The following TATDN1 variants were observed in gnomAD, a reference collection of about 807,000 sequenced individuals.
The protein encoded by TATDN1 is deoxyribonuclease TATDN1.
A neutral mutation model predicts 46.4 loss-of-function variants in TATDN1; 40 were observed. The observed-to-expected ratio is 0.86, with a 90% CI of 0.67 to 1.12. TATDN1 has a LOEUF of 1.12. TATDN1 is among the 50% of genes most tolerant of loss of function. The probability of loss-of-function intolerance (pLI) is 0.00; values close to 1 mark genes in which losing one functional copy is unlikely to be tolerated. For missense variants in TATDN1, 326 were observed against 348.4 expected (o/e 0.94, Z 0.51); for synonymous variants, 95 against 105.6 (o/e 0.90, Z 0.62).
At chr8:124,532,860 TC>T (rs1333189804) in intron 1 of TATDN1, among the ~76,000 whole-genome samples, 1 of 152,132 alleles carries the variant, frequency 6.6e-6, no homozygotes, top group Non-Finnish European at 1.5e-5. Context: ...TGAGAAAGGA[TC>T]CATTAGTGGG....
intron 6 of TATDN1, among the ~76,000 whole-genome samples, chr8:124,512,308 C>G (rs1819094811): frequency 6.6e-6 from 1 of 152,036 alleles, no homozygotes; most frequent in Non-Finnish European, 1.5e-5. Flanking sequence ...ACCTGTAATC[C>G]CAGCTACTTG....
chr8:124,534,542 T>G (rs940407496), intron 1 of TATDN1, among the ~76,000 whole-genome samples: 1 of 152,154 alleles, frequency 6.6e-6, no homozygotes, highest in Non-Finnish European at 1.5e-5. Context: ...GGTCTTGAAC[T>G]CCCGGGCTCA....
At chr8:124,532,124 A>C (rs1821019513) in intron 1 of TATDN1, among the ~76,000 whole-genome samples, 1 of 151,742 alleles carries the variant, frequency 6.6e-6, no homozygotes, top group South Asian at 2.1e-4. Context: ...GTTGAGTACA[A>C]CTCGGGAAGG....
chr8:124,514,539 T>A (rs905644554), intron 6 of TATDN1, among the ~76,000 whole-genome samples: 1 of 152,212 alleles, frequency 6.6e-6, no homozygotes, highest in Admixed American at 6.5e-5. Flanking sequence ...CTGCATACTA[T>A]GAGCTCTCAG....
chr8:124,521,041 C>T (rs1392613859), intron 3 of TATDN1, among the ~76,000 whole-genome samples: 1 of 151,530 alleles, frequency 6.6e-6, no homozygotes, highest in African/African-American at 2.4e-5. Flanking sequence ...AGGTATAATA[C>T]CAAATGCTTT....
intron 1 of TATDN1, chr8:124,526,622 C>T (rs1820523305): frequency 6.6e-6 from 1 of 152,162 alleles, no homozygotes; most frequent in Admixed American, 6.5e-5. Context: ...GTTTCTTTTT[C>T]ATTAATTTTC....
At chr8:124,500,673 C>A (rs759092718) in intron 9 of TATDN1, among the ~76,000 whole-genome samples, 79 of 150,516 alleles carry the variant, frequency 5.2e-4, no homozygotes, top group Non-Finnish European at 1.0e-3. Flanking sequence ...CAGAGTGAGA[C>A]CCTGTCTCAA....
At chr8:124,495,695 C>T (rs932743239) in intron 9 of TATDN1, among the ~76,000 whole-genome samples, 153 bp from the exon 10 acceptor site, 2 of 152,210 alleles carry the variant, frequency 1.3e-5, no homozygotes, top group African/African-American at 4.8e-5. Context: ...CACCTCCATA[C>T]TTCAACAATC....
intron 4 of TATDN1, among the ~76,000 whole-genome samples, chr8:124,518,397 G>A (rs1284311513): frequency 5.5e-5 from 8 of 145,200 alleles, no homozygotes; most frequent in Non-Finnish European, 7.6e-5. Flanking sequence ...GGTGGCGGGC[G>A]CCTGTAGTCC....
At chr8:124,520,297 C>T (rs551636443) in intron 3 of TATDN1, among the ~76,000 whole-genome samples, 5 of 151,782 alleles carry the variant, frequency 3.3e-5, no homozygotes, top group African/African-American at 9.7e-5. Flanking sequence ...ATTAGCCAGG[C>T]GTGGTGGCAG....
At chr8:124,527,723 G>T (rs75831593) in intron 1 of TATDN1, among the ~76,000 whole-genome samples, 1 of 151,660 alleles carries the variant, frequency 6.6e-6, no homozygotes, top group South Asian at 2.1e-4. Context: ...TTTTAGCCAC[G>T]ATCTGCTGCA....
At chr8:124,488,749 C>A in intron 11 of TATDN1, 53 bp from the exon 12 acceptor site, 1 of 1,030,442 alleles carries the variant, frequency 9.7e-7, no homozygotes, top group South Asian at 1.3e-5. Context: ...ACATTTAGTT[C>A]TAAAGCTATA....
chr8:124,522,261 T>TA lies in TATDN1; in HGVS notation c.89-62dup, dbSNP rs1406234770. On this transcript the variant is annotated intron_variant, in intron 2 of 11. Transcript: ENST00000276692. ...CAGACAAAAATTTGACTTTTTTTTTTAGCTTCTGTGCAAATGGCTATTTGA... is the reference window on the plus strand; with the variant it reads ...CAGACAAAAATTTGACTTTTTTTTTTAAGCTTCTGTGCAAATGGCTATTTGA... The TA allele has an allele frequency of 3.8e-6, 4 of 1,044,506 alleles. No homozygotes were observed. In the Admixed American group the frequency reaches 8.4e-5, roughly 22 times the overall value. The allele number at this position is 1,044,506 out of a possible 1,614,324, so 64.7% of individuals were successfully genotyped here. A position where few individuals can be genotyped will look rare whatever the true frequency, so the allele number is the denominator to read the frequency against.
intron 6 of TATDN1, among the ~76,000 whole-genome samples, chr8:124,515,172 G>A (rs903819339): frequency 2.6e-5 from 4 of 152,166 alleles, no homozygotes; most frequent in African/African-American, 7.2e-5. Context: ...TTTGAGGTCA[G>A]GAGTTTGAGA....
At chr8:124,505,530 C>A (rs1818335051) in intron 8 of TATDN1, among the ~76,000 whole-genome samples, 1 of 143,758 alleles carries the variant, frequency 7.0e-6, no homozygotes. Flanking sequence ...ATCAGCGAAA[C>A]TGTCTCAAAA....
chr8:124,532,530 T>C (rs534884183), intron 1 of TATDN1, among the ~76,000 whole-genome samples: 2 of 152,304 alleles, frequency 1.3e-5, no homozygotes, highest in Admixed American at 1.3e-4. Flanking sequence ...GTGATCCACC[T>C]GCCTCGGCTT....
intron 11 of TATDN1, chr8:124,489,373 CCCTT>C (rs1292887627): frequency 2.6e-5 from 4 of 151,536 alleles, no homozygotes; most frequent in Admixed American, 1.3e-4. Flanking sequence ...TCCCTTCCCT[CCCTT>C]CCTTTCCTTT....
At chr8:124,532,302 G>A (rs569471794) in intron 1 of TATDN1, among the ~76,000 whole-genome samples, 1 of 152,188 alleles carries the variant, frequency 6.6e-6, no homozygotes, top group East Asian at 1.9e-4. Flanking sequence ...GTTTTTTTCT[G>A]AGACAGAGTC....
chr8:124,530,799 G>A (rs1820887925), intron 1 of TATDN1, among the ~76,000 whole-genome samples: 1 of 152,182 alleles, frequency 6.6e-6, no homozygotes, highest in Non-Finnish European at 1.5e-5. Context: ...ATGAGACCCA[G>A]TGTCTTTGAA....
Sources: gnomAD v4.1 joint callset for allele counts (sites outside exome capture counted in the v4.1 genomes callset) on GRCh38, gnomAD v4.1.1 for gene constraint, MANE v1.5 for transcripts, NCBI Gene and HGNC (gene_info 2026-07-23, HGNC 2026-07-21) for gene names.